Variants in ITPR1 observed in about 807,000 individuals in gnomAD.
ITPR1 encodes inositol 1,4,5-trisphosphate-gated calcium channel ITPR1.
A neutral mutation model predicts 318.4 loss-of-function variants in ITPR1; 96 were observed. The observed-to-expected ratio is 0.30, with a 90% confidence interval of 0.26 to 0.36. The LOEUF is 0.36. ITPR1 is among the 10% of genes least tolerant of loss of function. The pLI is 1.00. For missense variants in ITPR1, 2,440 were observed against 3,460.2 expected (o/e 0.71, Z 7.40); for synonymous variants, 1,312 against 1,289.9 (o/e 1.02, Z -0.37).
intron 4 of ITPR1, among the ~76,000 whole-genome samples, chr3:4,627,199 G>T (rs1480732358): frequency 3.9e-5 from 6 of 152,032 alleles, no homozygotes; most frequent in Admixed American, 1.3e-4. Flanking sequence ...ATGCATTGTT[G>T]TATACAGCAA....
chr3:4,718,887 G>C (rs769551426), intron 40 of ITPR1, among the ~76,000 whole-genome samples: 5 of 152,180 alleles, frequency 3.3e-5, no homozygotes, highest in Non-Finnish European at 7.4e-5. Context: ...CACCCTTTAA[G>C]ACTCTTGTTT....
chr3:4,702,918 T>C lies in ITPR1; in HGVS notation c.4625T>C (p.Val1542Ala), dbSNP rs1221171097. ...TTAATGCCAAGCCAAAAAGCCTCCGTGGAGAGCTGTATTCGGGTGCTGTCT... is the reference window on the plus strand; with the variant it reads ...TTAATGCCAAGCCAAAAAGCCTCCGCGGAGAGCTGTATTCGGGTGCTGTCT... ...NWLMPSQKASVESCIRVLSDV... is the reference protein window; with the variant it reads ...NWLMPSQKASAESCIRVLSDV... The change falls in exon 36 of 62, where the codon GTG (valine) becomes GCG (alanine). Residue 1542 changes from valine (V) to alanine (A), a missense_variant. Around this residue, in one of 23 missense-constraint regions of ITPR1, gnomAD observed 166 missense variants for 246.5 expected, o/e 0.67. Coordinates refer to ENST00000649015, the MANE Select transcript of ITPR1 (RefSeq NM_001378452.1). The C allele has an allele frequency of 6.2e-7, 1 of 1,613,968 alleles. No individual in the cohort carries two copies. The highest frequency in any genetic ancestry group is 1.1e-5 in the South Asian group (1 of 91,074).
intron 53 of ITPR1, among the ~76,000 whole-genome samples, chr3:4,797,994 G>T (rs2047999656): frequency 6.6e-6 from 1 of 152,174 alleles, no homozygotes; most frequent in Non-Finnish European, 1.5e-5. Context: ...TTCTAGAGTT[G>T]ATTTTTTGGA....
At chr3:4,799,015 T>C (rs1190555292) in intron 53 of ITPR1, among the ~76,000 whole-genome samples, 2 of 152,216 alleles carry the variant, frequency 1.3e-5, no homozygotes, top group African/African-American at 4.8e-5. Flanking sequence ...GTGGTGACAA[T>C]TACATGCGGT....
chr3:4,619,383 A>G (rs933828926), intron 4 of ITPR1, among the ~76,000 whole-genome samples: 2 of 152,024 alleles, frequency 1.3e-5, no homozygotes, highest in Non-Finnish European at 2.9e-5. Flanking sequence ...TATTGGACCT[A>G]TGGATTGTTC....
intron 4 of ITPR1, among the ~76,000 whole-genome samples, chr3:4,522,952 C>T (rs1174817622): frequency 1.3e-5 from 2 of 152,356 alleles, no homozygotes; most frequent in African/African-American, 2.4e-5. Context: ...CTCTCAGAAA[C>T]ACTGATAGCT....
At chr3:4,648,415 G>C (rs752001769) in intron 10 of ITPR1, among the ~76,000 whole-genome samples, 2 of 152,118 alleles carry the variant, frequency 1.3e-5, no homozygotes, top group Non-Finnish European at 2.9e-5. Context: ...TATGTCTTCA[G>C]AGTTTTTGCT....
At chr3:4,742,734 T>C (rs1300914520) in intron 44 of ITPR1, among the ~76,000 whole-genome samples, 1 of 151,974 alleles carries the variant, frequency 6.6e-6, no homozygotes, top group South Asian at 2.1e-4. Flanking sequence ...GCTGGGACTA[T>C]AGGTGCGGAC....
At chr3:4,585,154 C>A (rs2089762605) in intron 4 of ITPR1, among the ~76,000 whole-genome samples, 1 of 152,106 alleles carries the variant, frequency 6.6e-6, no homozygotes, top group Admixed American at 6.5e-5. Flanking sequence ...TATTTGTTTC[C>A]TTTTAGAAAA....
intron 4 of ITPR1, among the ~76,000 whole-genome samples, chr3:4,522,994 G>A (rs1279850561): frequency 1.3e-5 from 2 of 152,324 alleles, no homozygotes; most frequent in South Asian, 4.1e-4. Flanking sequence ...AGTTAACTGG[G>A]CATTGGGATT....
intron 2 of ITPR1, among the ~76,000 whole-genome samples, chr3:4,506,482 C>T (rs1308517742): frequency 6.6e-6 from 1 of 152,152 alleles, no homozygotes; most frequent in African/African-American, 2.4e-5. Flanking sequence ...ATTGCATTGT[C>T]ACTTAATCAT....
intron 4 of ITPR1, among the ~76,000 whole-genome samples, chr3:4,615,832 G>A (rs944073395): frequency 1.3e-5 from 2 of 152,128 alleles, no homozygotes; most frequent in Non-Finnish European, 2.9e-5. Flanking sequence ...TTGGTGAGTG[G>A]TGGACCTGCA....
intron 4 of ITPR1, among the ~76,000 whole-genome samples, chr3:4,593,576 C>T (rs567322763): frequency 6.6e-6 from 1 of 152,134 alleles, no homozygotes; most frequent in African/African-American, 2.4e-5. Flanking sequence ...GAAACATAAA[C>T]TGATAATTAT....
intron 31 of ITPR1, among the ~76,000 whole-genome samples, chr3:4,689,365 T>C (rs1325384741): frequency 6.6e-6 from 1 of 152,236 alleles, no homozygotes; most frequent in African/African-American, 2.4e-5. Context: ...AAAGGATTGC[T>C]GGATTGTAGG....
intron 46 of ITPR1, among the ~76,000 whole-genome samples, chr3:4,770,866 T>G (rs947450149): frequency 6.6e-6 from 1 of 152,128 alleles, no homozygotes; most frequent in Non-Finnish European, 1.5e-5. Flanking sequence ...TTCCCTGACA[T>G]TGTCCACCCT....
At chr3:4,638,620 CATT>C (rs1467605683) in intron 5 of ITPR1, among the ~76,000 whole-genome samples, 3 of 152,128 alleles carry the variant, frequency 2.0e-5, no homozygotes, top group Non-Finnish European at 2.9e-5. Flanking sequence ...GTTTAAAAAA[CATT>C]ATTAAGCGAA....
chr3:4,627,785 C>A lies in ITPR1; in HGVS notation c.186C>A (p.Pro62=), dbSNP rs915889019. The A allele has an allele frequency of 1.2e-6, 2 of 1,613,208 alleles. No homozygotes were observed. The highest frequency in any genetic ancestry group is 1.7e-6 in the Non-Finnish European group (2 of 1,179,450). Reference sequence around the variant, plus strand: ...TAGACTGCCTCTTTAAGCTATGTCCCATGAACCGCTACTCTGCCCAAAAGC... The same window carrying A: ...TAGACTGCCTCTTTAAGCTATGTCCAATGAACCGCTACTCTGCCCAAAAGC... The part of the protein sequence containing the change: ...KFRDCLFKLC[P]MNRYSAQKQF... The change falls in exon 5 of 62, where the codon CCC becomes CCA. Residue 62 remains proline, a synonymous_variant. Transcript: ENST00000649015.
intron 37 of ITPR1, among the ~76,000 whole-genome samples, chr3:4,709,364 TA>T (rs2094823769): frequency 6.6e-6 from 1 of 152,264 alleles, no homozygotes; most frequent in Admixed American, 6.5e-5. Flanking sequence ...GTGTTAAATC[TA>T]AGATTAAATT....
chr3:4,660,880 A>G (rs1388216305), intron 13 of ITPR1, 108 bp from the exon 14 acceptor site: 1 of 572,456 alleles, frequency 1.7e-6, no homozygotes, highest in African/African-American at 1.9e-5. Flanking sequence ...TGTATGCAGT[A>G]GGAAACCACT....
Sources: allele counts gnomAD v4.1 joint callset (sites outside exome capture counted in the v4.1 genomes callset), GRCh38; gene constraint gnomAD v4.1.1; regional missense constraint gnomAD v4.1.1; transcripts MANE v1.5; gene names NCBI Gene and HGNC (gene_info 2026-07-23, HGNC 2026-07-21).